The following CSMD1 variants were observed in gnomAD, a reference collection of about 807,000 sequenced individuals.
The protein encoded by CSMD1 is CUB and Sushi multiple domains 1, also known as CUB and sushi domain-containing protein 1.
CSMD1 carries 213 observed loss-of-function variants against 417.5 expected under a neutral mutation model. The ratio of observed to expected loss-of-function variants is 0.51; its 90% CI spans 0.46 to 0.57. The LOEUF (loss-of-function observed/expected upper bound fraction) is 0.57, where lower values mean the gene tolerates loss of function less well. CSMD1 is among the 20% of genes least tolerant of loss of function. The pLI, the probability that CSMD1 is intolerant of heterozygous loss-of-function variation, is 0.00. For synonymous variants in CSMD1, 2,862 were observed against 1,736.8 expected (o/e 1.65, Z -16.11); for missense variants, 6,923 against 4,529.7 (o/e 1.53, Z -15.17).
chr8:4,213,062 T>G (rs545457002), intron 3 of CSMD1, among the ~76,000 whole-genome samples: 36 of 152,140 alleles, frequency 2.4e-4, no homozygotes, highest in Non-Finnish European at 4.4e-4. Flanking sequence ...TAAGGTCACT[T>G]TGAGCTAATG....
At chr8:3,087,307 C>A (rs531855238) in intron 48 of CSMD1, 22 bp from the exon 49 acceptor site, 1 of 1,608,890 alleles carries the variant, frequency 6.2e-7, no homozygotes. Context: ...CAGACACACA[C>A]AGAAATAAGT....
intron 26 of CSMD1, among the ~76,000 whole-genome samples, chr8:3,254,374 G>C (rs1038890126): frequency 3.9e-5 from 6 of 152,002 alleles, no homozygotes; most frequent in Non-Finnish European, 7.4e-5. Flanking sequence ...CTTCTCGAGG[G>C]GTATATTTGT....
At chr8:4,505,806 A>T (rs1359601317) in intron 2 of CSMD1, among the ~76,000 whole-genome samples, 1 of 145,038 alleles carries the variant, frequency 6.9e-6, no homozygotes, top group Non-Finnish European at 1.5e-5. Context: ...CATGTTCAAT[A>T]TTTTTTTTTT....
chr8:2,966,035 T>C, intron 58 of CSMD1, 81 bp from the exon 59 acceptor site: 1 of 1,244,628 alleles, frequency 8.0e-7, no homozygotes, highest in Non-Finnish European at 1.1e-6. Context: ...TTCAAGATAC[T>C]CTCTCTGAGT....
At chr8:3,023,861 A>C (rs1444520293) in intron 51 of CSMD1, among the ~76,000 whole-genome samples, 1 of 151,940 alleles carries the variant, frequency 6.6e-6, no homozygotes, top group Non-Finnish European at 1.5e-5. Flanking sequence ...AGTCAAAAAA[A>C]AAAAAAAAAG....
intron 49 of CSMD1, among the ~76,000 whole-genome samples, chr8:3,086,425 T>G (rs74604580): frequency 6.6e-6 from 1 of 151,892 alleles, no homozygotes; most frequent in African/African-American, 2.4e-5. Context: ...AAATCTAATA[T>G]CTAATGAAAC....
chr8:4,834,978 AAAGAAAG>A (rs1190725859), intron 1 of CSMD1, among the ~76,000 whole-genome samples: 8 of 21,034 alleles, frequency 3.8e-4, no homozygotes, highest in African/African-American at 6.3e-4. Flanking sequence ...AAAAAAAAAA[AAAGAAAG>A]AAAGAAAGAA....
intron 2 of CSMD1, among the ~76,000 whole-genome samples, chr8:4,472,799 T>A (rs1315838839): frequency 6.6e-6 from 1 of 151,990 alleles, no homozygotes; most frequent in Non-Finnish European, 1.5e-5. Context: ...ATATCATTGA[T>A]CTTAGATACT....
intron 1 of CSMD1, among the ~76,000 whole-genome samples, chr8:4,685,439 G>C (rs1347826066): frequency 6.6e-6 from 1 of 152,012 alleles, no homozygotes; most frequent in African/African-American, 2.4e-5. Context: ...GCTGAGTGTG[G>C]TGGCACGTGC....
chr8:4,180,292 C>T (rs972789388), intron 3 of CSMD1, among the ~76,000 whole-genome samples: 6 of 151,760 alleles, frequency 4.0e-5, no homozygotes, highest in African/African-American at 9.7e-5. Context: ...ATGGATGACA[C>T]TGGAAATCAT....
chr8:4,963,233 C>T (rs1219938848), intron 1 of CSMD1, among the ~76,000 whole-genome samples: 2 of 152,136 alleles, frequency 1.3e-5, no homozygotes, highest in African/African-American at 2.4e-5. Context: ...TGGAGTCTTG[C>T]TCTGTCACGC....
intron 7 of CSMD1, among the ~76,000 whole-genome samples, chr8:3,692,806 C>T (rs996145688): frequency 1.3e-5 from 2 of 152,072 alleles, no homozygotes; most frequent in African/African-American, 4.8e-5. Flanking sequence ...GACCTCTGGA[C>T]CCTAATATGC....
Position 3,762,484 on chromosome 8 carries a change from G to A in CSMD1, c.819-8442C>T, listed in dbSNP as rs560804355. ...GACTTGGTATAAGGCACATGGCTGT[G>A]CTTTGGTCAGATAGGCTGAGGTAGG... On this transcript the variant is annotated intron_variant, in intron 5 of 69. Coordinates refer to ENST00000635120, the MANE Select transcript of CSMD1 (RefSeq NM_033225.6). Among the ~76,000 whole-genome samples, 11 of 152,316 alleles carry A rather than the reference G, an allele frequency of 7.2e-5. No individual in the cohort carries two copies. In the South Asian group the frequency reaches 1.7e-3, roughly 23 times the overall value.
chr8:4,471,096 T>A (rs749717550), intron 2 of CSMD1, among the ~76,000 whole-genome samples: 11 of 152,350 alleles, frequency 7.2e-5, no homozygotes, highest in Admixed American at 3.3e-4. Flanking sequence ...ATTTGTTTTG[T>A]ATTTGTGTGA....
intron 1 of CSMD1, among the ~76,000 whole-genome samples, chr8:4,943,612 C>G (rs11993084): frequency 0.24 from 37,182 of 151,822 alleles, 4,707 homozygotes; most frequent in East Asian, 0.4. Flanking sequence ...TCTCATATAT[C>G]AAATGAAAAG....
intron 23 of CSMD1, among the ~76,000 whole-genome samples, chr8:3,331,237 C>CAAAAAAAAAAAAAA (rs112278319): frequency 2.3e-5 from 3 of 128,528 alleles, no homozygotes; most frequent in African/African-American, 9.6e-5. Context: ...GACTCCGTCT[C>CAAAAAAAAAAAAAA]AAAAAAAAAA....
intron 5 of CSMD1, among the ~76,000 whole-genome samples, chr8:3,845,824 CTATT>C (rs1196921030): frequency 6.6e-6 from 1 of 151,584 alleles, no homozygotes; most frequent in Non-Finnish European, 1.5e-5. Flanking sequence ...GTGCTTTCTT[CTATT>C]TAATTTTTTT....
chr8:4,125,413 C>T (rs1206554704), intron 3 of CSMD1, among the ~76,000 whole-genome samples: 2 of 152,170 alleles, frequency 1.3e-5, no homozygotes, highest in African/African-American at 2.4e-5. Context: ...CTGGACGAAA[C>T]CAATGCACAT....
At chr8:3,048,196 G>C (rs1178498133) in intron 50 of CSMD1, among the ~76,000 whole-genome samples, 1 of 152,088 alleles carries the variant, frequency 6.6e-6, no homozygotes, top group Non-Finnish European at 1.5e-5. Flanking sequence ...AAATCAAATA[G>C]GTCAGTATAA....
Sources: allele counts gnomAD v4.1 joint callset (sites outside exome capture counted in the v4.1 genomes callset), GRCh38; gene constraint gnomAD v4.1.1; transcripts MANE v1.5; gene names NCBI Gene and HGNC (gene_info 2026-07-23, HGNC 2026-07-21).